Variants in FRMPD4 observed in about 807,000 individuals in gnomAD.
The protein encoded by FRMPD4 is FERM and PDZ domain containing 4.
A neutral mutation model predicts 94.1 loss-of-function variants in FRMPD4; 22 were observed. That is an observed-to-expected ratio of 0.23 (90% CI 0.17 to 0.33). The LOEUF is 0.33. Among genes scored for constraint, FRMPD4 ranks in the 10% least tolerant of loss-of-function variants. The pLI, the probability that FRMPD4 is intolerant of heterozygous loss-of-function variation, is 1.00. For synonymous variants in FRMPD4, 631 were observed against 548.6 expected (o/e 1.15, Z -2.10); for missense variants, 1,111 against 1,339.9 (o/e 0.83, Z 2.67).
chrX:12,436,409 GA>G (rs2057067882), intron 1 of FRMPD4, among the ~76,000 whole-genome samples: 4 of 110,966 alleles, frequency 3.6e-5, no homozygotes. Flanking sequence ...TAGCTTTATT[GA>G]GTAACTCTGG....
intron 4 of FRMPD4, among the ~76,000 whole-genome samples, chrX:12,636,175 A>C (rs1231104774): frequency 1.8e-5 from 2 of 112,509 alleles, no homozygotes; most frequent in Non-Finnish European, 3.8e-5. Context: ...GCATATTTGA[A>C]TCGAGGTCCA....
intron 3 of FRMPD4, among the ~76,000 whole-genome samples, chrX:12,038,883 A>C (rs189436497): frequency 9.4e-6 from 1 of 106,704 alleles, no homozygotes; most frequent in Non-Finnish European, 2.0e-5. Flanking sequence ...TATTTTTTCT[A>C]TTTTTTTTTG....
At chrX:12,382,508 T>TAG (rs200880212) in intron 1 of FRMPD4, among the ~76,000 whole-genome samples, 9,092 of 67,203 alleles carry the variant, frequency 0.14, 881 homozygotes, top group African/African-American at 0.17. Flanking sequence ...TAGCATAGCA[T>TAG]AGCATAGCAT....
chrX:12,473,776 A>G (rs1479981058), intron 1 of FRMPD4, among the ~76,000 whole-genome samples: 39 of 104,111 alleles, frequency 3.7e-4, no homozygotes, highest in African/African-American at 1.1e-3. Context: ...TATCCTAAAT[A>G]TATATGCACC....
chrX:12,129,396 C>G (rs1038918198), intron 3 of FRMPD4, among the ~76,000 whole-genome samples: 1 of 111,522 alleles, frequency 9.0e-6, no homozygotes, highest in African/African-American at 3.3e-5. Context: ...TGAGAATTCA[C>G]TATCACGAGA....
intron 4 of FRMPD4, among the ~76,000 whole-genome samples, chrX:12,652,765 T>A (rs2059608380): frequency 8.9e-6 from 1 of 111,873 alleles, no homozygotes; most frequent in Non-Finnish European, 1.9e-5. Context: ...TCTCTCCTCC[T>A]CCTTGGACCA....
intron 1 of FRMPD4, among the ~76,000 whole-genome samples, chrX:12,417,891 G>A (rs1226186766): frequency 9.5e-6 from 1 of 105,395 alleles, no homozygotes; most frequent in Non-Finnish European, 1.9e-5. Context: ...CTACTCAGGA[G>A]GCTGAGGCAG....
Position 12,717,658 on chromosome X carries a change from C to A in FRMPD4, c.2832C>A (p.His944Gln). The change falls in exon 16 of 17, where the codon CAC becomes CAA. Residue 944 changes from histidine to glutamine, a missense_variant. Coordinates refer to ENST00000675598, the MANE Select transcript of FRMPD4 (RefSeq NM_001368397.1). ...RMFLATHEGY[H>Q]PLAEEQTEFP... The stretch of plus-strand genomic sequence containing the variant: ...TCTTGGCCACTCACGAAGGCTACCA[C>A]CCCCTTGCAGAAGAGCAGACCGAGT... The A allele has an allele frequency of 1.7e-6, 2 of 1,211,473 alleles. No homozygotes were observed. Among genetic ancestry groups the A allele is most frequent in the Non-Finnish European group, 2.2e-6 (2 of 895,007 alleles).
At chrX:12,587,962 A>G (rs2058947631) in intron 2 of FRMPD4, among the ~76,000 whole-genome samples, 1 of 111,779 alleles carries the variant, frequency 8.9e-6, no homozygotes, top group South Asian at 3.8e-4. Flanking sequence ...AGTGGTGCAT[A>G]AAAGATAGCA....
At chrX:12,481,161 C>T (rs564573156) in intron 1 of FRMPD4, among the ~76,000 whole-genome samples, 11 of 110,754 alleles carry the variant, frequency 9.9e-5, no homozygotes, top group Non-Finnish European at 1.5e-4. Context: ...CCAGTGATGT[C>T]GCATGTGAGG....
intron 3 of FRMPD4, among the ~76,000 whole-genome samples, chrX:12,047,386 T>TA (rs1343983689): frequency 8.9e-6 from 1 of 111,784 alleles, no homozygotes; most frequent in Admixed American, 9.5e-5. Flanking sequence ...GATATGTAGC[T>TA]AAAGTTCTCA....
chrX:12,492,443 G>A (rs1210742940), intron 1 of FRMPD4, among the ~76,000 whole-genome samples: 1 of 112,187 alleles, frequency 8.9e-6, no homozygotes, highest in African/African-American at 3.2e-5. Context: ...AAAATAATCA[G>A]AAAAGTATTT....
chrX:12,357,536 T>A (rs1447755233), intron 1 of FRMPD4, among the ~76,000 whole-genome samples: 7 of 112,236 alleles, frequency 6.2e-5, no homozygotes, highest in African/African-American at 2.3e-4. Flanking sequence ...TGGCATTGAA[T>A]AGAATCCATC....
chrX:11,943,071 C>T (rs754782751), intron 3 of FRMPD4, among the ~76,000 whole-genome samples: 3 of 112,089 alleles, frequency 2.7e-5, no homozygotes, highest in African/African-American at 9.7e-5. Context: ...ACCTTTCCTT[C>T]TGCAAGCTAG....
rs12116152 is a variant in FRMPD4 at position 12,498,878 on chromosome X, A to C, written c.158+82A>C. On this transcript the variant is annotated intron_variant, in intron 2 of 16. Coordinates refer to ENST00000675598, the MANE Select transcript of FRMPD4 (RefSeq NM_001368397.1). ...TTTGTTTATGAGAATGAACATACTT[A>C]AATTAGGCACTCATAGGCATTTGGA... The C allele has an allele frequency of 1.2e-4, 63 of 539,400 alleles. 1 individual carries two copies. In the African/African-American group the frequency reaches 1.5e-3, roughly 13 times the overall value. 44.5% of individuals were successfully genotyped at this position (539,400 alleles called of 1,213,427 possible).
chrX:12,193,877 G>A (rs1390128683), intron 1 of FRMPD4, among the ~76,000 whole-genome samples: 1 of 101,223 alleles, frequency 9.9e-6, no homozygotes, highest in Non-Finnish European at 2.0e-5. Flanking sequence ...AAGAGAGAGA[G>A]AAAGAGAAAG....
intron 1 of FRMPD4, among the ~76,000 whole-genome samples, chrX:12,431,317 G>C (rs17321740): frequency 8.9e-6 from 1 of 112,150 alleles, no homozygotes; most frequent in Non-Finnish European, 1.9e-5. Context: ...TGACAGCAGA[G>C]TTTCTATAAA....
chrX:12,328,089 TCAAA>T (rs1481900693), intron 1 of FRMPD4, among the ~76,000 whole-genome samples: 2 of 111,337 alleles, frequency 1.8e-5, no homozygotes, highest in African/African-American at 3.3e-5. Flanking sequence ...CCATCATTAC[TCAAA>T]CAAACTCAGC....
intron 1 of FRMPD4, among the ~76,000 whole-genome samples, chrX:12,430,665 C>G (rs939365395): frequency 8.9e-6 from 1 of 111,753 alleles, no homozygotes; most frequent in Non-Finnish European, 1.9e-5. Context: ...ATTGATGGCC[C>G]TCAATGACAA....
Sources: gnomAD v4.1 joint callset for allele counts (sites outside exome capture counted in the v4.1 genomes callset) on GRCh38, gnomAD v4.1.1 for gene constraint, MANE v1.5 for transcripts, NCBI Gene and HGNC (gene_info 2026-07-23, HGNC 2026-07-21) for gene names.